The following SNX29 variants were observed in gnomAD, a reference collection of about 807,000 sequenced individuals.
The protein encoded by SNX29 is sorting nexin 29.
A neutral mutation model predicts 102.1 loss-of-function variants in SNX29; 78 were observed. The ratio of observed to expected loss-of-function variants is 0.76; its 90% CI spans 0.64 to 0.92. SNX29 has a LOEUF of 0.92. SNX29 is among the 40% of genes least tolerant of loss of function. The probability of loss-of-function intolerance (pLI) is 0.00; values close to 1 mark genes in which losing one functional copy is unlikely to be tolerated. For synonymous variants in SNX29, 580 were observed against 414.5 expected, an observed-to-expected ratio of 1.40 and a Z score of -4.85; for missense variants, 1,280 against 1,061.7, an observed-to-expected ratio of 1.21 and a Z score of -2.86.
At chr16:12,105,681 A>G (rs8051341) in intron 11 of SNX29, among the ~76,000 whole-genome samples, 1 of 152,186 alleles carries the variant, frequency 6.6e-6, no homozygotes, top group African/African-American at 2.4e-5. Context: ...CTCAAAACAC[A>G]GAGACAATGC....
intron 20 of SNX29, among the ~76,000 whole-genome samples, 152 bp downstream of exon 20, chr16:12,524,993 T>C (rs1321960425): frequency 6.6e-6 from 1 of 152,084 alleles, no homozygotes; most frequent in Non-Finnish European, 1.5e-5. Context: ...GGTGCCAAAG[T>C]GGAGGTTGGG....
intron 19 of SNX29, among the ~76,000 whole-genome samples, chr16:12,518,569 C>T (rs1231504127): frequency 6.6e-6 from 1 of 152,196 alleles, no homozygotes; most frequent in African/African-American, 2.4e-5. Context: ...AGCCCTCCTG[C>T]AAACGTAGAT....
chr16:12,438,506 C>A (rs1427983740), intron 18 of SNX29, among the ~76,000 whole-genome samples: 1 of 152,144 alleles, frequency 6.6e-6, no homozygotes, highest in African/African-American at 2.4e-5. Context: ...CAACCTCTGT[C>A]CAAGCAGGAA....
intron 20 of SNX29, among the ~76,000 whole-genome samples, chr16:12,542,658 G>C (rs1054317256): frequency 1.3e-5 from 2 of 152,224 alleles, no homozygotes; most frequent in African/African-American, 2.4e-5. Context: ...ACTTGTGTTT[G>C]AAGGCAGCGT....
intron 15 of SNX29, among the ~76,000 whole-genome samples, chr16:12,336,815 G>A (rs2081465371): frequency 6.6e-6 from 1 of 152,134 alleles, no homozygotes; most frequent in African/African-American, 2.4e-5. Flanking sequence ...GTGTGGTGAT[G>A]TGTACCTGTA....
chr16:12,460,122 C>T (rs941298843), intron 18 of SNX29, among the ~76,000 whole-genome samples: 1 of 152,134 alleles, frequency 6.6e-6, no homozygotes, highest in Non-Finnish European at 1.5e-5. Context: ...TGCTAGTGGC[C>T]GTCCTGGCTG....
At position 12,278,902 on chromosome 16, in the gene SNX29, A is replaced by G. The variant is rs112514817; in HGVS notation, c.1782+866A>G. Among the ~76,000 whole-genome samples, 1,170 of 152,352 alleles carry G rather than the reference A, an allele frequency of 7.7e-3. 20 individuals are homozygous for G. Among genetic ancestry groups the G allele is most frequent in the African/African-American group, 0.026 (1,101 of 41,588 alleles). On this transcript the variant is annotated intron_variant, in intron 15 of 20. Coordinates refer to ENST00000566228, the MANE Select transcript of SNX29 (RefSeq NM_032167.5). ...ATTAGTAGCCTCAAAGAGGACAACC[A>G]GATAATTATCTTGGTAGGAAATGAA...
chr16:12,196,615 CTTTTTTCTTTTTT>C (rs1411847279), intron 13 of SNX29, among the ~76,000 whole-genome samples: 42 of 116,384 alleles, frequency 3.6e-4, no homozygotes, highest in Non-Finnish European at 6.5e-4. Flanking sequence ...TTTCTTTTTT[CTTTTTTCTTTTTT>C]TTTTTTTTTT....
At chr16:12,060,052 C>A (rs985234028) in intron 8 of SNX29, among the ~76,000 whole-genome samples, 2 of 152,064 alleles carry the variant, frequency 1.3e-5, no homozygotes, top group Non-Finnish European at 2.9e-5. Context: ...ATGTTTAAAC[C>A]TTACAGTACA....
At chr16:12,177,088 G>C (rs1185449773) in intron 13 of SNX29, among the ~76,000 whole-genome samples, 10 of 152,002 alleles carry the variant, frequency 6.6e-5, no homozygotes, top group Admixed American at 6.6e-4. Flanking sequence ...GCAGAGACTA[G>C]AGGTACACAC....
Position 12,572,847 on chromosome 16 carries a change from G to C in SNX29, c.*4218G>C, listed in dbSNP as rs1598144356. 1 of 1,063,856 alleles carries C rather than the reference G, an allele frequency of 9.4e-7. No homozygotes were observed. The highest frequency in any genetic ancestry group is 1.6e-5 in the African/African-American group (1 of 61,114). The allele number at this position is 1,063,856 out of a possible 1,614,324, so 65.9% of individuals were successfully genotyped here. On this transcript the variant is annotated 3_prime_UTR_variant, in exon 21 of 21. Coordinates refer to ENST00000566228, the MANE Select transcript of SNX29 (RefSeq NM_032167.5). ...CCCAGAAGGGGCAGCCTCATGCCCA[G>C]GTTTCAGCCCTAAAGGTAATGATTG... is the stretch of plus-strand genomic sequence containing the variant.
chr16:12,131,247 G>C (rs1042641543), intron 13 of SNX29, among the ~76,000 whole-genome samples: 1 of 152,224 alleles, frequency 6.6e-6, no homozygotes, highest in African/African-American at 2.4e-5. Context: ...CTAATTAAGA[G>C]TATGGTTGAG....
At chr16:12,496,275 C>T (rs1379947503) in intron 19 of SNX29, among the ~76,000 whole-genome samples, 2 of 152,168 alleles carry the variant, frequency 1.3e-5, no homozygotes, top group Admixed American at 6.5e-5. Context: ...CACATTCCAC[C>T]CAAGTCAGGG....
At position 12,570,455 on chromosome 16, in the gene SNX29, A is replaced by C. The variant is rs1227701537; in HGVS notation, c.*1826A>C. The C allele has an allele frequency of 4.2e-6, 1 of 237,660 alleles. No individual in the cohort carries two copies. The highest frequency in any genetic ancestry group is 8.2e-6 in the Non-Finnish European group (1 of 122,314). The allele number at this position is 237,660 out of a possible 1,614,324, so 14.7% of individuals were successfully genotyped here. On this transcript the variant is annotated 3_prime_UTR_variant, in exon 21 of 21. Coordinates refer to ENST00000566228, the MANE Select transcript of SNX29 (RefSeq NM_032167.5). ...ATAGAGAGCCCTAATGGACTGAGGC[A>C]GGAAACGTCTAAAAGCTCAATCTGC...
chr16:12,536,125 C>G (rs559173970), intron 20 of SNX29, among the ~76,000 whole-genome samples: 5 of 152,296 alleles, frequency 3.3e-5, no homozygotes, highest in South Asian at 2.1e-4. Flanking sequence ...CACAGCCCAG[C>G]TTTGGTGCTG....
At chr16:11,994,535 C>T (rs930525737) in intron 1 of SNX29, among the ~76,000 whole-genome samples, 1 of 152,224 alleles carries the variant, frequency 6.6e-6, no homozygotes, top group African/African-American at 2.4e-5. Context: ...AAATGTATCC[C>T]TCCTCGGCCA....
At chr16:12,221,796 C>T (rs946374414) in intron 14 of SNX29, among the ~76,000 whole-genome samples, 9 of 152,206 alleles carry the variant, frequency 5.9e-5, no homozygotes, top group African/African-American at 2.2e-4. Context: ...TGTCTGCCTG[C>T]TCTCCAGCGT....
chr16:12,377,311 T>G (rs1029376966), intron 16 of SNX29, among the ~76,000 whole-genome samples: 4 of 152,202 alleles, frequency 2.6e-5, no homozygotes, highest in Non-Finnish European at 5.9e-5. Flanking sequence ...CACTTGTCCT[T>G]CGTGAAGTTG....
chr16:12,549,213 C>A (rs1359761232), intron 20 of SNX29, among the ~76,000 whole-genome samples: 1 of 152,174 alleles, frequency 6.6e-6, no homozygotes, highest in Non-Finnish European at 1.5e-5. Flanking sequence ...ATGCTTGTGT[C>A]TGCCAGCCAT....
Sources: gnomAD v4.1 joint callset for allele counts (sites outside exome capture counted in the v4.1 genomes callset) on GRCh38, gnomAD v4.1.1 for gene constraint, MANE v1.5 for transcripts, NCBI Gene and HGNC (gene_info 2026-07-23, HGNC 2026-07-21) for gene names.